The following SMYD3 variants were observed in gnomAD, a reference collection of about 807,000 sequenced individuals.
SMYD3 encodes histone-lysine N-methyltransferase SMYD3.
A neutral mutation model predicts 57.7 loss-of-function variants in SMYD3; 36 were observed. The observed-to-expected ratio is 0.62, with a 90% CI of 0.48 to 0.82. SMYD3 has a LOEUF of 0.82. Among genes scored for constraint, SMYD3 ranks in the 40% least tolerant of loss-of-function variants. The probability of loss-of-function intolerance (pLI) is 0.00; values close to 1 mark genes in which losing one functional copy is unlikely to be tolerated. For synonymous variants in SMYD3, 211 were observed against 195.0 expected (o/e 1.08, Z -0.68); for missense variants, 515 against 538.8 (o/e 0.96, Z 0.44).
intron 5 of SMYD3, among the ~76,000 whole-genome samples, chr1:246,053,904 A>G (rs2060104913): frequency 6.6e-6 from 1 of 152,202 alleles, no homozygotes; most frequent in Non-Finnish European, 1.5e-5. Flanking sequence ...AACACAAACT[A>G]TAAAAGTAAA....
chr1:245,991,245 T>C (rs186684519), intron 5 of SMYD3, among the ~76,000 whole-genome samples: 332 of 152,320 alleles, frequency 2.2e-3, no homozygotes, highest in Admixed American at 8.1e-3. Context: ...TTTCCTGCCA[T>C]CTATCTGAGC....
chr1:246,244,384 GA>G (rs150654422), intron 5 of SMYD3, among the ~76,000 whole-genome samples: 3 of 149,558 alleles, frequency 2.0e-5, no homozygotes, highest in Admixed American at 2.0e-4. Context: ...TGTGAGTGTG[GA>G]AAAAAAAAAT....
intron 1 of SMYD3, among the ~76,000 whole-genome samples, chr1:246,485,201 A>C (rs989654624): frequency 1.3e-5 from 2 of 152,020 alleles, no homozygotes; most frequent in African/African-American, 4.8e-5. Context: ...CATCACCTCA[A>C]CCAAAATACC....
intron 5 of SMYD3, among the ~76,000 whole-genome samples, chr1:246,153,672 A>G (rs1052366384): frequency 6.6e-6 from 1 of 151,976 alleles, no homozygotes; most frequent in Non-Finnish European, 1.5e-5. Flanking sequence ...GGGTATCAAT[A>G]TGTTTCCCAA....
At chr1:245,958,116 G>A (rs914970974) in intron 5 of SMYD3, among the ~76,000 whole-genome samples, 2 of 152,156 alleles carry the variant, frequency 1.3e-5, no homozygotes, top group African/African-American at 4.8e-5. Flanking sequence ...TACCACGAAA[G>A]TTGGGAGAAG....
chr1:245,955,192 C>T (rs939527824), intron 5 of SMYD3, among the ~76,000 whole-genome samples: 35 of 152,240 alleles, frequency 2.3e-4, no homozygotes, highest in Middle Eastern at 3.4e-3. Context: ...CCCGGGTTCA[C>T]GCCATTCTCC....
chr1:246,155,283 A>C (rs890094624), intron 5 of SMYD3, among the ~76,000 whole-genome samples: 2 of 152,230 alleles, frequency 1.3e-5, no homozygotes, highest in Non-Finnish European at 2.9e-5. Context: ...AATATTGCTT[A>C]ATCTTTAGCT....
intron 8 of SMYD3, among the ~76,000 whole-genome samples, chr1:245,904,313 T>C (rs2054403520): frequency 1.3e-5 from 2 of 152,172 alleles, no homozygotes; most frequent in African/African-American, 2.4e-5. Flanking sequence ...CTCTTCACTA[T>C]GATTTTAAGT....
At chr1:245,997,754 C>T (rs1201971976) in intron 5 of SMYD3, among the ~76,000 whole-genome samples, 1 of 152,192 alleles carries the variant, frequency 6.6e-6, no homozygotes, top group Non-Finnish European at 1.5e-5. Context: ...ACAGTCACGG[C>T]AGCGGACAGC....
At chr1:246,492,126 C>T (rs1296440352) in intron 1 of SMYD3, among the ~76,000 whole-genome samples, 1 of 152,070 alleles carries the variant, frequency 6.6e-6, no homozygotes, top group African/African-American at 2.4e-5. Context: ...TAGCATCCAA[C>T]TGAAATATTA....
At chr1:245,972,204 C>T (rs1431052951) in intron 5 of SMYD3, among the ~76,000 whole-genome samples, 1 of 152,196 alleles carries the variant, frequency 6.6e-6, no homozygotes, top group Non-Finnish European at 1.5e-5. Flanking sequence ...TAGAATTGCA[C>T]TCTATTTTCA....
At chr1:246,231,443 T>A (rs1188917966) in intron 5 of SMYD3, among the ~76,000 whole-genome samples, 1 of 152,136 alleles carries the variant, frequency 6.6e-6, no homozygotes, top group African/African-American at 2.4e-5. Context: ...TATAACAAAT[T>A]TTATGCACCA....
chr1:245,883,592 C>T (rs993471416), intron 8 of SMYD3, among the ~76,000 whole-genome samples: 6 of 152,114 alleles, frequency 3.9e-5, no homozygotes, highest in African/African-American at 1.4e-4. Context: ...GGTCCCAACG[C>T]TAAAAGACTA....
chr1:246,338,773 C>T (rs988412383), intron 2 of SMYD3, among the ~76,000 whole-genome samples: 8 of 152,184 alleles, frequency 5.3e-5, no homozygotes, highest in African/African-American at 9.6e-5. Context: ...TAACAGTTCA[C>T]GACATAAACT....
chr1:245,811,932 T>C (rs1186278072), intron 10 of SMYD3, among the ~76,000 whole-genome samples: 1 of 152,232 alleles, frequency 6.6e-6, no homozygotes, highest in African/African-American at 2.4e-5. Context: ...CATGGGTCTG[T>C]GTCCACTCCG....
chr1:246,236,130 T>C (rs569259138), intron 5 of SMYD3, among the ~76,000 whole-genome samples: 66 of 152,110 alleles, frequency 4.3e-4, no homozygotes, highest in Non-Finnish European at 7.8e-4. Context: ...AAAGTAAGAA[T>C]CCCAACTTTT....
At chr1:246,168,886 G>T (rs2062271024) in intron 5 of SMYD3, among the ~76,000 whole-genome samples, 1 of 152,028 alleles carries the variant, frequency 6.6e-6, no homozygotes, top group African/African-American at 2.4e-5. Context: ...ATGTACAAAG[G>T]CCCCTGTGTT....
intron 10 of SMYD3, among the ~76,000 whole-genome samples, chr1:245,849,331 G>C (rs1444314918): frequency 6.6e-6 from 1 of 152,178 alleles, no homozygotes; most frequent in Non-Finnish European, 1.5e-5. Context: ...AGGATTTGGT[G>C]AAAGTCAAAT....
intron 5 of SMYD3, among the ~76,000 whole-genome samples, chr1:246,269,948 C>T (rs2064187980): frequency 6.6e-6 from 1 of 152,130 alleles, no homozygotes; most frequent in African/African-American, 2.4e-5. Flanking sequence ...TGAAGAATGA[C>T]CTCCAACACC....
Sources: allele counts gnomAD v4.1 joint callset (sites outside exome capture counted in the v4.1 genomes callset), GRCh38; gene constraint gnomAD v4.1.1; transcripts MANE v1.5; gene names NCBI Gene and HGNC (gene_info 2026-07-23, HGNC 2026-07-21).